MCC: variants seen among roughly 807,000 people sequenced by gnomAD.
The protein encoded by MCC is colorectal mutant cancer protein.
Under a neutral mutation model 116.2 loss-of-function variants are expected in MCC, and 90 were observed. The observed-to-expected ratio is 0.77, with a 90% CI of 0.65 to 0.92. The LOEUF (loss-of-function observed/expected upper bound fraction) is 0.92. Among genes scored for constraint, MCC ranks in the 40% least tolerant of loss-of-function variants. MCC has a pLI of 0.00. For synonymous variants in MCC, 578 were observed against 510.5 expected (o/e 1.13, Z -1.78); for missense variants, 1,516 against 1,312.2 (o/e 1.16, Z -2.40).
At chr5:113,302,762 C>T (rs1370886072) in intron 3 of MCC, among the ~76,000 whole-genome samples, 2 of 152,166 alleles carry the variant, frequency 1.3e-5, no homozygotes, top group African/African-American at 2.4e-5. Flanking sequence ...TCATGCTACT[C>T]GCTGTCCAAG....
chr5:113,412,966 A>G (rs1770034687), intron 1 of MCC, among the ~76,000 whole-genome samples: 1 of 152,136 alleles, frequency 6.6e-6, no homozygotes, highest in Admixed American at 6.6e-5. Flanking sequence ...GCTTATTGAG[A>G]GTTTTTAGCA....
At chr5:113,446,098 A>G (rs28793421) in intron 1 of MCC, among the ~76,000 whole-genome samples, 17,540 of 152,256 alleles carry the variant, frequency 0.12, 1,749 homozygotes, top group African/African-American at 0.27. Flanking sequence ...AAATTAACTC[A>G]AGATGGATTA....
chr5:113,128,570 G>A (rs1758229540), intron 5 of MCC, among the ~76,000 whole-genome samples: 1 of 152,152 alleles, frequency 6.6e-6, no homozygotes, highest in Non-Finnish European at 1.5e-5. Flanking sequence ...GAGAAGATCA[G>A]ACTCATCTAT....
intron 17 of MCC, among the ~76,000 whole-genome samples, chr5:113,038,257 G>C (rs1223226031): frequency 2.6e-5 from 4 of 152,146 alleles, no homozygotes; most frequent in African/African-American, 9.7e-5. Context: ...TTTGGGTGGA[G>C]ATGTCCAGTG....
At chr5:113,040,872 C>G (rs1313711776) in intron 17 of MCC, among the ~76,000 whole-genome samples, 1 of 152,178 alleles carries the variant, frequency 6.6e-6, no homozygotes, top group African/African-American at 2.4e-5. Flanking sequence ...TATGTTTAGT[C>G]AGCACAATCT....
At chr5:113,150,701 T>C (rs1234397619) in intron 4 of MCC, among the ~76,000 whole-genome samples, 1 of 152,052 alleles carries the variant, frequency 6.6e-6, no homozygotes, top group African/African-American at 2.4e-5. Flanking sequence ...TAGGCAAAGA[T>C]GATGTAACAT....
At chr5:113,204,593 A>G (rs1762829832) in intron 3 of MCC, 1 of 152,186 alleles carries the variant, frequency 6.6e-6, no homozygotes, top group Non-Finnish European at 1.5e-5. Context: ...TGCGGAGAGT[A>G]TCTGAGGAGA....
chr5:113,476,080 A>G (rs1772226779), intron 1 of MCC, among the ~76,000 whole-genome samples: 1 of 152,224 alleles, frequency 6.6e-6, no homozygotes, highest in African/African-American at 2.4e-5. Flanking sequence ...AGGAAAAATC[A>G]AAAGTACCCT....
At chr5:113,276,250 G>C (rs1765821413) in intron 3 of MCC, among the ~76,000 whole-genome samples, 1 of 152,196 alleles carries the variant, frequency 6.6e-6, no homozygotes, top group Non-Finnish European at 1.5e-5. Context: ...CAACAGGCTG[G>C]AGACTGAGTA....
intron 11 of MCC, among the ~76,000 whole-genome samples, chr5:113,072,537 C>T (rs1004899981): frequency 1.3e-5 from 2 of 152,190 alleles, no homozygotes; most frequent in Admixed American, 6.5e-5. Flanking sequence ...CAGACAACAC[C>T]CCACTGATCT....
chr5:113,367,831 T>A (rs868711365), intron 2 of MCC, among the ~76,000 whole-genome samples: 1 of 152,150 alleles, frequency 6.6e-6, no homozygotes, highest in African/African-American at 2.4e-5. Flanking sequence ...ATGGGCCACC[T>A]GGTGGTCTGG....
intron 3 of MCC, among the ~76,000 whole-genome samples, chr5:113,170,589 T>C (rs910606018): frequency 6.6e-6 from 1 of 152,094 alleles, no homozygotes; most frequent in African/African-American, 2.4e-5. Context: ...GGCATTCCTA[T>C]AAGTGTTGTT....
At chr5:113,087,607 G>A (rs866070878) in intron 8 of MCC, among the ~76,000 whole-genome samples, 3 of 151,844 alleles carry the variant, frequency 2.0e-5, no homozygotes, top group African/African-American at 4.8e-5. Context: ...TGCAACCTCC[G>A]GTGAATTCAA....
At chr5:113,237,342 T>C (rs1764170913) in intron 3 of MCC, among the ~76,000 whole-genome samples, 1 of 152,246 alleles carries the variant, frequency 6.6e-6, no homozygotes, top group South Asian at 2.1e-4. Flanking sequence ...CTGAATTTTG[T>C]AGCACAAAAA....
intron 1 of MCC, chr5:113,433,524 G>T: frequency 1.6e-6 from 1 of 633,944 alleles, no homozygotes; most frequent in East Asian, 2.7e-5. Flanking sequence ...GGAGTCGCAC[G>T]ACTGTCTCAG....
intron 3 of MCC, among the ~76,000 whole-genome samples, chr5:113,166,846 C>A (rs1181974424): frequency 5.9e-5 from 9 of 151,944 alleles, no homozygotes; most frequent in Non-Finnish European, 1.2e-4. Context: ...AGCTGCCAAG[C>A]ATATGATGAA....
chr5:113,341,596 A>T (rs546393962), intron 2 of MCC, among the ~76,000 whole-genome samples: 2 of 152,314 alleles, frequency 1.3e-5, no homozygotes, highest in Middle Eastern at 3.4e-3. Flanking sequence ...ATGAACAGAA[A>T]TGATAAGCAT....
intron 3 of MCC, among the ~76,000 whole-genome samples, chr5:113,220,838 G>A (rs892529233): frequency 6.6e-6 from 1 of 152,172 alleles, no homozygotes; most frequent in Non-Finnish European, 1.5e-5. Context: ...TTACTGCACT[G>A]GCTAGAACAT....
At chr5:113,350,087 G>A (rs1183020276) in intron 2 of MCC, among the ~76,000 whole-genome samples, 1 of 152,060 alleles carries the variant, frequency 6.6e-6, no homozygotes, top group Non-Finnish European at 1.5e-5. Flanking sequence ...TGGACTGGAA[G>A]AACCAATATT....
Sources: allele counts gnomAD v4.1 joint callset (sites outside exome capture counted in the v4.1 genomes callset), GRCh38; gene constraint gnomAD v4.1.1; transcripts MANE v1.5; gene names NCBI Gene and HGNC (gene_info 2026-07-23, HGNC 2026-07-21).